Variants in YES1 observed in about 807,000 individuals in gnomAD.
YES1 encodes the protein YES proto-oncogene 1, Src family tyrosine kinase, also known as tyrosine-protein kinase Yes.
A neutral mutation model predicts 70.4 loss-of-function variants in YES1; 39 were observed. That is an observed-to-expected ratio of 0.55 (90% CI 0.43 to 0.72). YES1 has a LOEUF of 0.72. Among genes scored for constraint, YES1 ranks in the 30% least tolerant of loss-of-function variants. YES1 has a pLI of 0.00. For synonymous variants in YES1, 198 were observed against 218.6 expected (o/e 0.91, Z 0.83); for missense variants, 495 against 644.8 (o/e 0.77, Z 2.52).
At chr18:805,796 G>C (rs1907067431) in intron 1 of YES1, among the ~76,000 whole-genome samples, 1 of 152,134 alleles carries the variant, frequency 6.6e-6, no homozygotes, top group South Asian at 2.1e-4. Flanking sequence ...GAAACAATGT[G>C]AAGTATTAAC....
intron 2 of YES1, among the ~76,000 whole-genome samples, chr18:752,403 C>T (rs1283450424): frequency 4.6e-5 from 7 of 152,180 alleles, no homozygotes; most frequent in Non-Finnish European, 2.9e-5. Context: ...AGCCACTGTG[C>T]CCAGCCAACA....
intron 1 of YES1, among the ~76,000 whole-genome samples, chr18:792,371 A>C (rs529555799): frequency 2.0e-5 from 3 of 152,126 alleles, no homozygotes; most frequent in Non-Finnish European, 4.4e-5. Context: ...AAAAAAATAA[A>C]ATAAAAAATA....
chr18:781,798 A>C (rs1568212319), intron 1 of YES1, among the ~76,000 whole-genome samples: 1 of 152,082 alleles, frequency 6.6e-6, no homozygotes, highest in African/African-American at 2.4e-5. Flanking sequence ...CTATCTTGCA[A>C]GGTTGTAAGA....
At chr18:788,669 C>T (rs956422105) in intron 1 of YES1, among the ~76,000 whole-genome samples, 7 of 152,144 alleles carry the variant, frequency 4.6e-5, no homozygotes, top group Non-Finnish European at 8.8e-5. Context: ...CTGTAATCCC[C>T]GGCACTTTGG....
In YES1 at chr18:727,878, CTG is replaced by C. The variant is rs2080040333; in HGVS notation, c.1424-3248_1424-3247del. ...GCTTCCATATCTGAGGAAAAGTTAGCTGTCTGACTGTTGTTCCTGCGTAGATA... is the reference window on the plus strand; with the variant it reads ...GCTTCCATATCTGAGGAAAAGTTAGCTCTGACTGTTGTTCCTGCGTAGATA... On this transcript the variant is annotated intron_variant, in intron 11 of 11. Transcript: ENST00000314574. Among the ~76,000 whole-genome samples, 3 of 152,254 alleles carry C rather than the reference CTG, an allele frequency of 2.0e-5. No homozygotes were observed. In the South Asian group the frequency reaches 6.2e-4, roughly 32 times the overall value.
At chr18:746,206 T>A (rs1255352956) in intron 4 of YES1, among the ~76,000 whole-genome samples, 155 bp from the exon 5 acceptor site, 1 of 152,162 alleles carries the variant, frequency 6.6e-6, no homozygotes, top group African/African-American at 2.4e-5. Flanking sequence ...TTTTATTGAT[T>A]AAATAGTAAT....
intron 8 of YES1, 46 bp from the exon 9 acceptor site, chr18:739,857 AT>A: frequency 6.8e-7 from 1 of 1,461,194 alleles, no homozygotes; most frequent in Non-Finnish European, 9.5e-7. Flanking sequence ...CAAATCTTAT[AT>A]TAGGATTGAA....
At chr18:736,262 C>A (rs1358095836) in intron 10 of YES1, 1 of 152,816 alleles carries the variant, frequency 6.5e-6, no homozygotes, top group Non-Finnish European at 1.5e-5. Context: ...AAAGAAAGCA[C>A]TATGTCTAAA....
chr18:785,223 T>C (rs1905875165), intron 1 of YES1, among the ~76,000 whole-genome samples: 1 of 152,170 alleles, frequency 6.6e-6, no homozygotes, highest in Non-Finnish European at 1.5e-5. Context: ...AAGATAATTC[T>C]TATTCCAATA....
intron 1 of YES1, among the ~76,000 whole-genome samples, chr18:805,835 C>T (rs1434793431): frequency 3.3e-5 from 5 of 152,158 alleles, no homozygotes; most frequent in African/African-American, 1.2e-4. Context: ...AACTTCCTCA[C>T]CTCACCCCAA....
At chr18:726,781 C>CAAAAAAAAAAAA (rs58322434) in intron 11 of YES1, among the ~76,000 whole-genome samples, 12 of 47,250 alleles carry the variant, frequency 2.5e-4, no homozygotes, top group African/African-American at 7.0e-4. Context: ...ACTCTTGTCT[C>CAAAAAAAAAAAA]AAAAAAAAAA....
intron 1 of YES1, among the ~76,000 whole-genome samples, chr18:757,774 A>G (rs1904370804): frequency 6.6e-6 from 1 of 151,978 alleles, no homozygotes. Flanking sequence ...GTAAGCTGAC[A>G]TCGTGCCAGT....
At chr18:770,038 CA>C (rs1298158750) in intron 1 of YES1, among the ~76,000 whole-genome samples, 3 of 151,468 alleles carry the variant, frequency 2.0e-5, no homozygotes, top group African/African-American at 4.8e-5. Flanking sequence ...ACTGCAACTG[CA>C]ATCTCTGCCT....
chr18:811,689 G>A (rs1907389962), intron 1 of YES1, among the ~76,000 whole-genome samples: 3 of 152,092 alleles, frequency 2.0e-5, no homozygotes, highest in Admixed American at 2.0e-4. Flanking sequence ...AGCTGCTACC[G>A]GCGTCGGCCG....
intron 8 of YES1, among the ~76,000 whole-genome samples, chr18:740,154 C>CAACTAGG (rs2080200962): frequency 6.6e-6 from 1 of 152,124 alleles, no homozygotes; most frequent in African/African-American, 2.4e-5. Flanking sequence ...AGAATTCAGA[C>CAACTAGG]AACTAGGAAT....
chr18:777,510 G>A (rs896285514), intron 1 of YES1, among the ~76,000 whole-genome samples: 5 of 152,252 alleles, frequency 3.3e-5, no homozygotes, highest in African/African-American at 1.2e-4. Context: ...TCATCTATCA[G>A]AATTACTTAT....
At chr18:805,523 G>A (rs1413651229) in intron 1 of YES1, among the ~76,000 whole-genome samples, 1 of 152,062 alleles carries the variant, frequency 6.6e-6, no homozygotes, top group Non-Finnish European at 1.5e-5. Context: ...AAACCATGAG[G>A]CCCAACTACC....
chr18:744,854 C>G (rs1414816079), intron 6 of YES1, among the ~76,000 whole-genome samples: 1 of 151,920 alleles, frequency 6.6e-6, no homozygotes, highest in African/African-American at 2.4e-5. Context: ...AAGGGAGACA[C>G]AAAGTCAGGG....
chr18:759,541 C>T (rs542425696), intron 1 of YES1, among the ~76,000 whole-genome samples: 5 of 152,254 alleles, frequency 3.3e-5, no homozygotes, highest in Admixed American at 6.5e-5. Context: ...ATGAGTTCTG[C>T]ATCCATGGAT....
Sources: allele counts gnomAD v4.1 joint callset (sites outside exome capture counted in the v4.1 genomes callset), GRCh38; gene constraint gnomAD v4.1.1; transcripts MANE v1.5; gene names NCBI Gene and HGNC (gene_info 2026-07-23, HGNC 2026-07-21).